The following PTCHD1 variants were observed in gnomAD, a reference collection of about 807,000 sequenced individuals.
The protein encoded by PTCHD1 is patched domain-containing protein 1.
PTCHD1 carries 3 observed loss-of-function variants against 34.6 expected under a neutral mutation model. The ratio of observed to expected loss-of-function variants is 0.09; its 90% confidence interval spans 0.04 to 0.22. The LOEUF is 0.22. PTCHD1 is among the 10% of genes least tolerant of loss of function. The pLI, the probability that PTCHD1 is intolerant of heterozygous loss-of-function variation, is 1.00. For synonymous variants in PTCHD1, 305 were observed against 283.1 expected (o/e 1.08, Z -0.77); for missense variants, 504 against 685.5 (o/e 0.74, Z 2.96).
chrX:23,377,553 G>A (rs984159788), intron 1 of PTCHD1, among the ~76,000 whole-genome samples: 14 of 105,765 alleles, frequency 1.3e-4, no homozygotes, highest in South Asian at 1.3e-3. Context: ...ATATGATTAG[G>A]CTGTGAAAAT....
At chrX:23,387,054 G>T (rs1453751565) in intron 2 of PTCHD1, among the ~76,000 whole-genome samples, 1 of 111,898 alleles carries the variant, frequency 8.9e-6, no homozygotes, top group Admixed American at 9.5e-5. Context: ...AGAAAAATCT[G>T]ACTTACAAAA....
At chrX:23,364,893 G>T (rs1461375994) in intron 1 of PTCHD1, among the ~76,000 whole-genome samples, 1 of 112,522 alleles carries the variant, frequency 8.9e-6, no homozygotes, top group Non-Finnish European at 1.9e-5. Flanking sequence ...TAAAGTAAAA[G>T]CCAAACAAAT....
intron 2 of PTCHD1, among the ~76,000 whole-genome samples, chrX:23,385,482 C>T (rs910046983): frequency 1.8e-5 from 2 of 110,862 alleles, no homozygotes; most frequent in African/African-American, 6.6e-5. Flanking sequence ...GAGTGACAGA[C>T]CCTGTAAAGG....
At chrX:23,364,829 A>T (rs1922096118) in intron 1 of PTCHD1, among the ~76,000 whole-genome samples, 1 of 112,733 alleles carries the variant, frequency 8.9e-6, no homozygotes, top group Non-Finnish European at 1.9e-5. Context: ...TGTTGAGATG[A>T]TCCGGAAGGT....
intron 2 of PTCHD1, among the ~76,000 whole-genome samples, chrX:23,389,000 T>G (rs1202027564): frequency 8.9e-6 from 1 of 111,797 alleles, no homozygotes; most frequent in African/African-American, 3.3e-5. Flanking sequence ...CAGACCTGAC[T>G]GAAGGAAAAA....
chrX:23,335,887 TTG>T (rs1353080997), intron 1 of PTCHD1, among the ~76,000 whole-genome samples: 1 of 112,056 alleles, frequency 8.9e-6, no homozygotes, highest in African/African-American at 3.2e-5. Flanking sequence ...GAAATTATGT[TTG>T]TAATTCGCAG....
chrX:23,350,004 T>A (rs187909497), intron 1 of PTCHD1, among the ~76,000 whole-genome samples: 51 of 86,566 alleles, frequency 5.9e-4, no homozygotes, highest in Middle Eastern at 0.02. Flanking sequence ...AGAAAGGACA[T>A]AGATCAGACC....
At position 23,401,114 on chromosome X, in the gene PTCHD1, C is replaced by T. The variant is rs749867949; in HGVS notation, c.*6929C>T. The T allele has an allele frequency of 2.7e-5, 3 of 109,925 alleles. No homozygotes were observed. In the Admixed American group the frequency reaches 2.9e-4, roughly 11 times the overall value. 9.1% of individuals were successfully genotyped at this position (109,925 alleles called of 1,213,427 possible). On this transcript the variant is annotated 3_prime_UTR_variant, in exon 3 of 3. Coordinates refer to ENST00000379361, the MANE Select transcript of PTCHD1 (RefSeq NM_173495.3). ...CATGATAGTCTCGATCTCCTAACCTCGTGATCCACCCGCCTCGGCCTCCCA... is the reference window on the plus strand; with the variant it reads ...CATGATAGTCTCGATCTCCTAACCTTGTGATCCACCCGCCTCGGCCTCCCA...
chrX:23,360,051 T>C (rs1458297248), intron 1 of PTCHD1, among the ~76,000 whole-genome samples: 1 of 112,203 alleles, frequency 8.9e-6, no homozygotes, highest in Non-Finnish European at 1.9e-5. Flanking sequence ...TTCAGTTTAC[T>C]AGTATTTTAT....
rs138439272 is a variant in PTCHD1, at chrX:23,392,991, C to T, written c.1473C>T (p.Tyr491=). Residue 491 remains tyrosine (Y), a synonymous_variant, in exon 3 of 3, where the codon TAC becomes TAT. Transcript: ENST00000379361. Reference sequence around the variant, plus strand: ...TGGTATGTTTCCTCAAACGCTATTACTGTGACTGGATAACCAACACCTATG... The same window carrying T: ...TGGTATGTTTCCTCAAACGCTATTATTGTGACTGGATAACCAACACCTATG... ...HLLVCFLKRY[Y]CDWITNTYVK... is the part of the protein sequence containing the mutation. 4.0e-4 allele frequency: 486 copies of T among 1,209,700 alleles called. 1 individual carries two copies. The highest frequency in any genetic ancestry group is 4.6e-4 in the Non-Finnish European group (413 of 894,332).
At chrX:23,385,422 C>G (rs1922662291) in intron 2 of PTCHD1, among the ~76,000 whole-genome samples, 1 of 111,373 alleles carries the variant, frequency 9.0e-6, no homozygotes, top group Non-Finnish European at 1.9e-5. Flanking sequence ...CCAGGATTCC[C>G]AGATATCCCC....
At chrX:23,365,479 A>T (rs1922116451) in intron 1 of PTCHD1, among the ~76,000 whole-genome samples, 1 of 110,374 alleles carries the variant, frequency 9.1e-6, no homozygotes, top group Admixed American at 9.7e-5. Context: ...TGTAGGGCAA[A>T]CAGAACGGAG....
chrX:23,377,356 C>T (rs1047441337), intron 1 of PTCHD1, among the ~76,000 whole-genome samples: 5 of 112,121 alleles, frequency 4.5e-5, no homozygotes, highest in African/African-American at 1.6e-4. Context: ...TTAAATTCCT[C>T]TAAGTTCTTC....
chrX:23,392,066 C>CTTTT (rs778431181), intron 2 of PTCHD1, among the ~76,000 whole-genome samples: 2 of 44,177 alleles, frequency 4.5e-5, no homozygotes, highest in African/African-American at 3.8e-4. Context: ...TTTTTTCTTT[C>CTTTT]TTTCTTTCTT....
At chrX:23,355,450 T>C (rs1187247253) in intron 1 of PTCHD1, among the ~76,000 whole-genome samples, 1 of 112,978 alleles carries the variant, frequency 8.9e-6, no homozygotes, top group Non-Finnish European at 1.9e-5. Context: ...TTGCTCCTTT[T>C]CAACTGAAAA....
At chrX:23,375,275 G>A (rs978916322) in intron 1 of PTCHD1, among the ~76,000 whole-genome samples, 9 of 108,043 alleles carry the variant, frequency 8.3e-5, no homozygotes, top group African/African-American at 3.1e-4. Context: ...TGAAGCAGGT[G>A]GGCTGACAAT....
In PTCHD1 at chrX:23,393,334, A is replaced by G. The variant is rs776573735; in HGVS notation, c.1816A>G (p.Lys606Glu). The G allele has an allele frequency of 5.8e-6, 7 of 1,210,837 alleles. No homozygotes were observed. Among genetic ancestry groups the G allele is most frequent in the Middle Eastern group, 2.3e-4 (1 of 4,352 alleles). ...RKLNVSTGLP[K>E]KNFTDMLRNS... ...ACTCAATGTATCCACTGGCTTGCCT[A>G]AGAAAAATTTCACAGACATGTTGAG... Residue 606 changes from lysine (K) to glutamate (E), a missense_variant, in exon 3 of 3, where the codon AAG (lysine) becomes GAG (glutamate). Transcript: ENST00000379361.
At chrX:23,349,023 GAA>G (rs1921555101) in intron 1 of PTCHD1, among the ~76,000 whole-genome samples, 2 of 111,910 alleles carry the variant, frequency 1.8e-5, no homozygotes, top group Non-Finnish European at 1.9e-5. Context: ...TGTGAGGGAG[GAA>G]TTGTGAATAC....
intron 1 of PTCHD1, among the ~76,000 whole-genome samples, chrX:23,359,456 T>C (rs779400595): frequency 1.3e-3 from 145 of 112,108 alleles, no homozygotes; most frequent in African/African-American, 4.3e-3. Flanking sequence ...CTTTGTCTGT[T>C]ATTAGTGTAT....
Sources: allele counts gnomAD v4.1 joint callset (sites outside exome capture counted in the v4.1 genomes callset), GRCh38; gene constraint gnomAD v4.1.1; transcripts MANE v1.5; gene names NCBI Gene and HGNC (gene_info 2026-07-23, HGNC 2026-07-21).